ABCA12: variants seen among roughly 807,000 people sequenced by gnomAD.
The protein encoded by ABCA12 is glucosylceramide transporter ABCA12.
Under a neutral mutation model 293.5 loss-of-function variants are expected in ABCA12, and 156 were observed. The ratio of observed to expected loss-of-function variants is 0.53; its 90% CI spans 0.47 to 0.61. The LOEUF (loss-of-function observed/expected upper bound fraction) is 0.61. ABCA12 is among the 20% of genes least tolerant of loss of function. The pLI, the probability that ABCA12 is intolerant of heterozygous loss-of-function variation, is 0.00. For synonymous variants in ABCA12, 1,063 were observed against 1,108.0 expected (o/e 0.96, Z 0.81); for missense variants, 2,797 against 3,090.2 (o/e 0.91, Z 2.25).
intron 18 of ABCA12, 126 bp downstream of exon 18, chr2:215,010,205 A>T: frequency 8.1e-7 from 1 of 1,230,114 alleles, no homozygotes; most frequent in Non-Finnish European, 1.2e-6. Flanking sequence ...AGTTTCAGAA[A>T]GCCAAGGATA....
At chr2:215,032,674 C>T (rs1408636260) in intron 8 of ABCA12, 1 of 152,190 alleles carries the variant, frequency 6.6e-6, no homozygotes, top group Non-Finnish European at 1.5e-5. Flanking sequence ...TAAATAAAAA[C>T]ATCATAAATC....
chr2:215,066,376 C>T (rs937561637), intron 2 of ABCA12, among the ~76,000 whole-genome samples: 6 of 151,868 alleles, frequency 4.0e-5, no homozygotes, highest in South Asian at 4.2e-4. Flanking sequence ...AGCATGATGG[C>T]GTGGCTGAGT....
rs150588933 is a variant in ABCA12 at position 215,063,477 on chromosome 2, G to A, written c.317+589C>T. On this transcript the variant is annotated intron_variant, in intron 3 of 52. Transcript: ENST00000272895. ...AGCAAGGAAAATTGAAGTTGTAAAT[G>A]GTCAGGTTGTTAATGGCTTAGATTC... Among the ~76,000 whole-genome samples the A allele has an allele frequency of 1.9e-4, 29 of 151,996 alleles. 1 individual carries two copies. The East Asian group carries it at 3.7e-3, about 19-fold the overall frequency.
Position 215,104,757 on chromosome 2 carries a change from T to G in ABCA12, c.163+6840A>C, listed in dbSNP as rs1456063813. Among the ~76,000 whole-genome samples, 5 of 152,352 alleles carry G rather than the reference T, an allele frequency of 3.3e-5. No homozygotes were observed. The East Asian group carries it at 9.6e-4, about 29-fold the overall frequency. On this transcript the variant is annotated intron_variant, in intron 2 of 52. Coordinates refer to ENST00000272895, the MANE Select transcript of ABCA12 (RefSeq NM_173076.3). ...TCTTAAGCAAGAAGCAGGCTGTTAATGCTCCTACACAAAAAATCTCTCCTA... is the reference window on the plus strand; with the variant it reads ...TCTTAAGCAAGAAGCAGGCTGTTAAGGCTCCTACACAAAAAATCTCTCCTA...
rs983047793 is a variant in ABCA12 at position 214,972,958 on chromosome 2, C to T, written c.5562+991G>A. Among the ~76,000 whole-genome samples the T allele has an allele frequency of 1.5e-4, 23 of 152,038 alleles. No individual in the cohort carries two copies. In the South Asian group the frequency reaches 1.9e-3, roughly 12 times the overall value. The stretch of plus-strand genomic sequence containing the variant: ...CCTCCTGAGTAGCTGGGACCACAGA[C>T]GCGTGTCACCATGCCCAGCAAATTT... On this transcript the variant is annotated intron_variant, in intron 36 of 52. Coordinates refer to ENST00000272895, the MANE Select transcript of ABCA12 (RefSeq NM_173076.3).
chr2:215,000,040 A>C (rs1700108208), intron 22 of ABCA12, among the ~76,000 whole-genome samples: 1 of 152,212 alleles, frequency 6.6e-6, no homozygotes, highest in Non-Finnish European at 1.5e-5. Context: ...TTATTTTTTA[A>C]CCATCTACAG....
chr2:214,963,312 T>C (rs555842158), intron 39 of ABCA12: 9 of 152,060 alleles, frequency 5.9e-5, no homozygotes, highest in African/African-American at 2.2e-4. Flanking sequence ...CTAGAAAATG[T>C]AGAAAAAATG....
At chr2:215,003,276 T>C (rs1469796405) in intron 20 of ABCA12, among the ~76,000 whole-genome samples, 3 of 152,140 alleles carry the variant, frequency 2.0e-5, no homozygotes, top group African/African-American at 7.2e-5. Context: ...TTGCATCCCT[T>C]AGGTTGAAGG....
chr2:215,134,935 C>T (rs929521188), intron 1 of ABCA12, among the ~76,000 whole-genome samples: 1 of 151,846 alleles, frequency 6.6e-6, no homozygotes, highest in South Asian at 2.1e-4. Context: ...AGCCACTGCA[C>T]CTGGCCAGCA....
intron 36 of ABCA12, among the ~76,000 whole-genome samples, chr2:214,973,451 A>G (rs1045797930): frequency 1.3e-5 from 2 of 152,228 alleles, no homozygotes; most frequent in Admixed American, 6.5e-5. Flanking sequence ...GTCCGCATCA[A>G]TAGAATACAG....
rs796234554 is a variant in ABCA12 at position 214,949,884 on chromosome 2, TTCCC to T, written c.6853-739_6853-736del. ...TTGCTGTGTGGTAGGACCTGTTGAATTCCCTCCGCCAAGCGGGAAGACTCATAGG... is the reference window on the plus strand; with the variant it reads ...TTGCTGTGTGGTAGGACCTGTTGAATTCCGCCAAGCGGGAAGACTCATAGG... On this transcript the variant is annotated intron_variant, in intron 45 of 52. Transcript: ENST00000272895. 4.7e-4 allele frequency among the ~76,000 whole-genome samples: 72 copies of T among 152,276 alleles called. No individual in the cohort carries two copies. The East Asian group carries it at 8.9e-3, about 19-fold the overall frequency.
At chr2:215,091,152 C>T (rs1277829981) in intron 2 of ABCA12, among the ~76,000 whole-genome samples, 3 of 152,084 alleles carry the variant, frequency 2.0e-5, no homozygotes, top group Non-Finnish European at 2.9e-5. Flanking sequence ...CCTGTCTGTT[C>T]CTTCAGTCTC....
At chr2:214,966,332 C>T (rs1282489480) in intron 39 of ABCA12, among the ~76,000 whole-genome samples, 3 of 152,106 alleles carry the variant, frequency 2.0e-5, no homozygotes, top group Non-Finnish European at 2.9e-5. Flanking sequence ...CAGCAAACCA[C>T]CATGGCACAT....
chr2:215,033,547 AATACT>A (rs1441516575), intron 8 of ABCA12, among the ~76,000 whole-genome samples: 2 of 152,218 alleles, frequency 1.3e-5, no homozygotes, highest in Admixed American at 1.3e-4. Flanking sequence ...TATTGAGAGA[AATACT>A]ATACTAAACA....
Position 214,968,819 on chromosome 2 carries a change from A to G in ABCA12, c.5691-12T>C. 2 of 1,610,104 alleles carry G rather than the reference A, an allele frequency of 1.2e-6. No individual in the cohort carries two copies. The highest frequency in any genetic ancestry group is 1.7e-6 in the Non-Finnish European group (2 of 1,176,534). On this transcript the variant is annotated splice_polypyrimidine_tract_variant and intron_variant, in intron 37 of 52. Transcript: ENST00000272895. ...TCCAACCTCCATATCTACAGAGAGT[A>G]ATAAAAATATATCTTTGGTTTAGTG...
chr2:214,985,183 C>A (rs1699759651), intron 28 of ABCA12, among the ~76,000 whole-genome samples: 1 of 152,218 alleles, frequency 6.6e-6, no homozygotes, highest in Admixed American at 6.5e-5. Flanking sequence ...GGGGCATTCT[C>A]AGCTAAAATT....
intron 2 of ABCA12, among the ~76,000 whole-genome samples, chr2:215,074,669 C>T (rs990078009): frequency 3.3e-5 from 5 of 152,002 alleles, no homozygotes; most frequent in African/African-American, 4.8e-5. Context: ...ATAGGCCAGG[C>T]GTGGAGGCTC....
At chr2:214,987,583 C>T in intron 27 of ABCA12, 64 bp downstream of exon 27, 1 of 1,563,222 alleles carries the variant, frequency 6.4e-7, no homozygotes, top group South Asian at 1.2e-5. Flanking sequence ...ATTGAAACTA[C>T]TAGTCATGTA....
chr2:215,004,745 A>G (rs904592259), intron 19 of ABCA12: 1 of 177,450 alleles, frequency 5.6e-6, no homozygotes, highest in Non-Finnish European at 1.2e-5. Context: ...AAGTTCTACT[A>G]CTTCCTAGCC....
Sources: gnomAD v4.1 joint callset for allele counts (sites outside exome capture counted in the v4.1 genomes callset) on GRCh38, gnomAD v4.1.1 for gene constraint, MANE v1.5 for transcripts, NCBI Gene and HGNC (gene_info 2026-07-23, HGNC 2026-07-21) for gene names.